Variants in RNF145 observed in about 807,000 individuals in gnomAD.
The protein encoded by RNF145 is ring finger protein 145.
Under a neutral mutation model 57.3 loss-of-function variants are expected in RNF145, and 12 were observed. The observed-to-expected ratio is 0.21, with a 90% CI of 0.13 to 0.34. The LOEUF (loss-of-function observed/expected upper bound fraction) is 0.34, where lower values mean the gene tolerates loss of function less well. Ranked by LOEUF, RNF145 falls within the 10% of genes least tolerant of loss-of-function variation. The pLI is 1.00. For missense variants in RNF145, 429 were observed against 799.0 expected, an observed-to-expected ratio of 0.54 and a Z score of 5.58; for synonymous variants, 262 against 288.3, an observed-to-expected ratio of 0.91 and a Z score of 0.92.
intron 1 of RNF145, chr5:159,208,168 T>A (rs1785966763): frequency 7.2e-7 from 1 of 1,391,804 alleles, no homozygotes; most frequent in Non-Finnish European, 9.3e-7. Flanking sequence ...TGAACTACAG[T>A]AACCCCAACC....
At chr5:159,171,900 G>A (rs1784572092) in intron 6 of RNF145, among the ~76,000 whole-genome samples, 1 of 152,036 alleles carries the variant, frequency 6.6e-6, no homozygotes, top group African/African-American at 2.4e-5. Context: ...ATGAAAAAAG[G>A]CAATCTATCC....
chr5:159,171,891 T>A (rs1368647227), intron 6 of RNF145, among the ~76,000 whole-genome samples: 3 of 151,972 alleles, frequency 2.0e-5, no homozygotes, highest in African/African-American at 7.2e-5. Flanking sequence ...ATTCTTATCA[T>A]GAAAAAAGGC....
At chr5:159,161,673 CT>C in intron 9 of RNF145, 51 bp from the exon 10 acceptor site, 1 of 1,048,268 alleles carries the variant, frequency 9.5e-7, no homozygotes, top group Non-Finnish European at 1.4e-6. Flanking sequence ...CACTAAGATA[CT>C]TTTTTCATAG....
chr5:159,183,751 A>G (rs1784971464), intron 3 of RNF145, among the ~76,000 whole-genome samples: 1 of 152,152 alleles, frequency 6.6e-6, no homozygotes. Context: ...TCTCTCTCCA[A>G]TGGATACAGT....
chr5:159,194,356 G>C (rs1785383824), intron 3 of RNF145, among the ~76,000 whole-genome samples: 1 of 152,124 alleles, frequency 6.6e-6, no homozygotes, highest in Admixed American at 6.5e-5. Flanking sequence ...ATTTTTAGTA[G>C]AGACGAGGTT....
chr5:159,161,146 T>C lies in RNF145; in HGVS notation c.1626+120A>G, dbSNP rs547076221. On this transcript the variant is annotated intron_variant, in intron 10 of 10. Coordinates refer to ENST00000424310, the MANE Select transcript of RNF145 (RefSeq NM_001199383.2). ...CTTTAATATAATTTCTGAGGTCCATTTTTTTTAATCCAGAAGATAATTTTG... is the reference window on the plus strand; with the variant it reads ...CTTTAATATAATTTCTGAGGTCCATCTTTTTTAATCCAGAAGATAATTTTG... The C allele has an allele frequency of 4.8e-5, 30 of 629,190 alleles. No individual in the cohort carries two copies. In the Middle Eastern group the frequency reaches 2.3e-3, roughly 48 times the overall value. 39.0% of individuals were successfully genotyped at this position (629,190 alleles called of 1,614,324 possible).
At chr5:159,209,145 C>A (rs1303679279) in intron 1 of RNF145, 86 bp downstream of exon 1, 15 of 404,740 alleles carry the variant, frequency 3.7e-5, no homozygotes, top group African/African-American at 9.6e-5. Flanking sequence ...AAGGAGCCTG[C>A]GACGCGATGG....
At chr5:159,161,030 A>G (rs768704440) in intron 10 of RNF145, 13 of 421,042 alleles carry the variant, frequency 3.1e-5, no homozygotes, top group Non-Finnish European at 4.2e-5. Flanking sequence ...TTTATGGGTG[A>G]GCAATAATGT....
intron 2 of RNF145, among the ~76,000 whole-genome samples, chr5:159,201,722 A>AT (rs1402209515): frequency 2.6e-5 from 4 of 152,178 alleles, no homozygotes; most frequent in Admixed American, 6.6e-5. Flanking sequence ...GGAAATATAC[A>AT]TTTTTTATAT....
intron 3 of RNF145, among the ~76,000 whole-genome samples, chr5:159,194,262 T>C (rs1341151679): frequency 6.6e-6 from 1 of 152,236 alleles, no homozygotes; most frequent in Non-Finnish European, 1.5e-5. Context: ...AATTCTTTTA[T>C]CAGGCAATAC....
At position 159,157,781 on chromosome 5, in the gene RNF145, T is replaced by C. The variant is rs1212995460; in HGVS notation, c.*889A>G. On this transcript the variant is annotated 3_prime_UTR_variant, in exon 11 of 11. Coordinates refer to ENST00000424310, the MANE Select transcript of RNF145 (RefSeq NM_001199383.2). ...TGCAAATATTGCCATAATTTAACAC[T>C]GTTTTGATTCAGTTGCAAGAATTAA... The C allele has an allele frequency of 1.3e-5, 2 of 152,784 alleles. No homozygotes were observed. The highest frequency in any genetic ancestry group is 6.5e-5 in the Admixed American group (1 of 15,276). 9.5% of individuals were successfully genotyped at this position (152,784 alleles called of 1,614,324 possible).
intron 4 of RNF145, among the ~76,000 whole-genome samples, chr5:159,178,112 G>T: frequency 6.6e-6 from 1 of 151,592 alleles, no homozygotes; most frequent in Non-Finnish European, 1.5e-5. Context: ...CCCACCTTTA[G>T]TGCCATGGCT....
In RNF145 at chr5:159,180,968, G is replaced by A. The variant is rs530634753; in HGVS notation, c.385+992C>T. On this transcript the variant is annotated intron_variant, in intron 4 of 10. Transcript: ENST00000424310. Reference sequence around the variant, plus strand: ...AGAGGTGGGTGAAGGATAAAAGACTGCACATTGGGTACAGCATACACTCCT... The same window carrying A: ...AGAGGTGGGTGAAGGATAAAAGACTACACATTGGGTACAGCATACACTCCT... Among the ~76,000 whole-genome samples the A allele has an allele frequency of 4.6e-5, 7 of 151,976 alleles. No homozygotes were observed. The South Asian group carries it at 1.5e-3, about 32-fold the overall frequency.
At chr5:159,175,746 T>C (rs2113134838) in intron 5 of RNF145, among the ~76,000 whole-genome samples, 1 of 152,280 alleles carries the variant, frequency 6.6e-6, no homozygotes, top group South Asian at 2.1e-4. Context: ...TTAGAGAAAG[T>C]ATTCTCAAAG....
chr5:159,173,864 A>C lies in RNF145; in HGVS notation c.797+119T>G, dbSNP rs994602623. ...ATCCAGTGAATGAAAATCCTATCTTAACAAAATACGAAGTTGTGTAACATG... is the reference window on the plus strand; with the variant it reads ...ATCCAGTGAATGAAAATCCTATCTTCACAAAATACGAAGTTGTGTAACATG... On this transcript the variant is annotated intron_variant, in intron 6 of 10. Transcript: ENST00000424310. The C allele has an allele frequency of 3.6e-5, 25 of 690,314 alleles. No homozygotes were observed. In the African/African-American group the frequency reaches 4.2e-4, roughly 12 times the overall value. The allele number at this position is 690,314 out of a possible 1,614,324, so 42.8% of individuals were successfully genotyped here.
Position 159,161,695 on chromosome 5 carries a change from A to G in RNF145, c.1270-73T>C, listed in dbSNP as rs531415099. On this transcript the variant is annotated intron_variant, in intron 9 of 10. Transcript: ENST00000424310. Reference sequence around the variant, plus strand: ...ATACTTTTTTCATAGGCTTTAAACAATAACACATTCCTGATGTTTTTAGGG... The same window carrying G: ...ATACTTTTTTCATAGGCTTTAAACAGTAACACATTCCTGATGTTTTTAGGG... 37 of 854,314 alleles carry G rather than the reference A, an allele frequency of 4.3e-5. No homozygotes were observed. In the East Asian group the frequency reaches 7.8e-4, roughly 18 times the overall value. The allele number at this position is 854,314 out of a possible 1,614,324, so 52.9% of individuals were successfully genotyped here.
upstream of RNF145, chr5:159,209,884 C>T (rs936738517): frequency 2.6e-6 from 4 of 1,536,148 alleles, no homozygotes; most frequent in Admixed American, 3.9e-5. Flanking sequence ...ATTTGAAGGG[C>T]TGATCCTGTC....
At position 159,207,358 on chromosome 5, in the gene RNF145, CT is replaced by C. The variant is rs1017254372; in HGVS notation, c.-40+1872del. On this transcript the variant is annotated intron_variant, in intron 1 of 10. Transcript: ENST00000424310. ...GTTCTTCAAAAATACACCTCCTAAA[CT>C]TTTTTTTAAAAAGACAAAGAAAAAA... 516 of 681,472 alleles carry C rather than the reference CT, an allele frequency of 7.6e-4. 1 individual carries two copies. The highest frequency in any genetic ancestry group is 6.1e-3 in the African/African-American group (332 of 54,454). 42.2% of individuals were successfully genotyped at this position (681,472 alleles called of 1,614,324 possible).
intron 3 of RNF145, among the ~76,000 whole-genome samples, chr5:159,193,987 T>C (rs931893635): frequency 1.3e-5 from 2 of 152,250 alleles, no homozygotes; most frequent in African/African-American, 4.8e-5. Flanking sequence ...GGTCCACCTA[T>C]ATTTTAACAT....
Sources: gnomAD v4.1 joint callset for allele counts (sites outside exome capture counted in the v4.1 genomes callset) on GRCh38, gnomAD v4.1.1 for gene constraint, MANE v1.5 for transcripts, NCBI Gene and HGNC (gene_info 2026-07-23, HGNC 2026-07-21) for gene names.